The following FHIT variants were observed in gnomAD, a reference collection of about 807,000 sequenced individuals.
The protein encoded by FHIT is bis(5'-adenosyl)-triphosphatase.
A neutral mutation model predicts 17.9 loss-of-function variants in FHIT; 19 were observed. The ratio of observed to expected loss-of-function variants is 1.06; its 90% CI spans 0.74 to 1.56. The LOEUF (loss-of-function observed/expected upper bound fraction) is 1.56, where lower values mean the gene tolerates loss of function less well. FHIT is among the 40% of genes most tolerant of loss of function. The pLI is 0.00. For missense variants in FHIT, 248 were observed against 189.2 expected (o/e 1.31, Z -1.82); for synonymous variants, 81 against 69.7 (o/e 1.16, Z -0.81).
In FHIT at chr3:60,544,677, A is replaced by C. The variant is rs545226458; in HGVS notation, c.-17-7698T>G. The stretch of plus-strand genomic sequence containing the variant: ...AGTGGCACGATCTGGGCTCACTGCA[A>C]ACTCCGCCTCCCCGGTTCAAGCGAT... On this transcript the variant is annotated intron_variant, in intron 4 of 9. Coordinates refer to ENST00000492590, the MANE Select transcript of FHIT (RefSeq NM_002012.4). Among the ~76,000 whole-genome samples the C allele has an allele frequency of 2.0e-3, 297 of 148,740 alleles. 1 individual carries two copies. Among genetic ancestry groups the C allele is most frequent in the Non-Finnish European group, 2.6e-3 (178 of 67,606 alleles).
intron 3 of FHIT, among the ~76,000 whole-genome samples, chr3:60,942,591 C>T (rs1460687461): frequency 3.3e-5 from 5 of 151,756 alleles, no homozygotes; most frequent in Admixed American, 3.3e-4. Context: ...GTTCTTCTCT[C>T]TTTGTAGTTG....
chr3:60,526,329 C>G (rs932111750), intron 5 of FHIT, among the ~76,000 whole-genome samples: 28 of 152,092 alleles, frequency 1.8e-4, no homozygotes. Flanking sequence ...AAAAGGACAG[C>G]CATGTCTCCC....
At chr3:59,971,202 AG>A (rs1462690392) in intron 7 of FHIT, among the ~76,000 whole-genome samples, 1 of 152,160 alleles carries the variant, frequency 6.6e-6, no homozygotes, top group African/African-American at 2.4e-5. Flanking sequence ...TGACACTCTG[AG>A]TCCTATTTGA....
At chr3:59,937,358 T>G (rs765316451) in intron 7 of FHIT, among the ~76,000 whole-genome samples, 3 of 152,164 alleles carry the variant, frequency 2.0e-5, no homozygotes, top group Non-Finnish European at 2.9e-5. Flanking sequence ...AAGATACAGA[T>G]AGTCAGCCTC....
At chr3:60,240,202 A>G (rs1576355494) in intron 5 of FHIT, among the ~76,000 whole-genome samples, 1 of 152,188 alleles carries the variant, frequency 6.6e-6, no homozygotes, top group East Asian at 1.9e-4. Flanking sequence ...GTTCCAGTCA[A>G]CAAAAGCCAT....
At chr3:60,890,324 C>G (rs1228333257) in intron 3 of FHIT, among the ~76,000 whole-genome samples, 6 of 151,002 alleles carry the variant, frequency 4.0e-5, no homozygotes, top group Non-Finnish European at 8.8e-5. Context: ...TGCACAGATA[C>G]GAGTGAATCC....
chr3:60,682,647 G>T (rs2040777157), intron 4 of FHIT, among the ~76,000 whole-genome samples: 1 of 152,258 alleles, frequency 6.6e-6, no homozygotes, highest in South Asian at 2.1e-4. Flanking sequence ...AATGTACCTG[G>T]TCACCCAAGA....
At chr3:59,801,388 T>G (rs1699987150) in intron 8 of FHIT, among the ~76,000 whole-genome samples, 1 of 152,162 alleles carries the variant, frequency 6.6e-6, no homozygotes, top group Non-Finnish European at 1.5e-5. Context: ...AAGAATAACT[T>G]AAAAATAAAA....
At chr3:59,907,039 G>A (rs1305902161) in intron 8 of FHIT, among the ~76,000 whole-genome samples, 1 of 152,216 alleles carries the variant, frequency 6.6e-6, no homozygotes, top group Non-Finnish European at 1.5e-5. Flanking sequence ...TATCAGAGCT[G>A]AAAGCAGGCT....
intron 3 of FHIT, among the ~76,000 whole-genome samples, chr3:61,029,078 A>G (rs76554642): frequency 0.013 from 1,987 of 152,206 alleles, 48 homozygotes; most frequent in African/African-American, 0.045. Context: ...AGAAAAACGA[A>G]ACAAAATCAG....
intron 2 of FHIT, among the ~76,000 whole-genome samples, chr3:61,048,995 G>A (rs898555834): frequency 1.3e-5 from 2 of 151,968 alleles, no homozygotes; most frequent in African/African-American, 2.4e-5. Context: ...GGAGTGGGGA[G>A]GGATACCATT....
chr3:60,104,711 ACTTCT>A (rs1406825081), intron 5 of FHIT, among the ~76,000 whole-genome samples: 2 of 152,132 alleles, frequency 1.3e-5, no homozygotes, highest in Admixed American at 1.3e-4. Flanking sequence ...AGTTTTTTAG[ACTTCT>A]CTTTAAGACA....
intron 4 of FHIT, among the ~76,000 whole-genome samples, chr3:60,809,748 T>C (rs939103108): frequency 1.3e-5 from 2 of 152,156 alleles, no homozygotes; most frequent in African/African-American, 2.4e-5. Context: ...TATAAGCCTT[T>C]AGAAAACATT....
intron 4 of FHIT, among the ~76,000 whole-genome samples, chr3:60,620,337 C>A (rs1397398228): frequency 6.6e-6 from 1 of 152,150 alleles, no homozygotes; most frequent in Non-Finnish European, 1.5e-5. Context: ...TACACAAAAA[C>A]CTGCACACAG....
chr3:60,023,107 G>C (rs949827795), intron 5 of FHIT, among the ~76,000 whole-genome samples: 31 of 152,312 alleles, frequency 2.0e-4, no homozygotes, highest in African/African-American at 6.7e-4. Flanking sequence ...AGACTTGAAG[G>C]AGTATGGCAA....
chr3:60,464,454 C>A (rs9870841), intron 5 of FHIT, among the ~76,000 whole-genome samples: 6,814 of 152,118 alleles, frequency 0.045, 507 homozygotes, highest in African/African-American at 0.15. Flanking sequence ...AATACTAGAT[C>A]TTATACATCA....
At chr3:60,833,880 A>G (rs1412023903) in intron 3 of FHIT, among the ~76,000 whole-genome samples, 1 of 152,212 alleles carries the variant, frequency 6.6e-6, no homozygotes, top group African/African-American at 2.4e-5. Context: ...ATACAAGTGG[A>G]GTCGTACAGT....
intron 5 of FHIT, among the ~76,000 whole-genome samples, chr3:60,091,943 G>T (rs1057168285): frequency 1.3e-5 from 2 of 152,070 alleles, no homozygotes; most frequent in African/African-American, 4.8e-5. Flanking sequence ...TTTCTTTACA[G>T]CAATGTGAGA....
chr3:60,867,431 A>T (rs1704215245), intron 3 of FHIT, among the ~76,000 whole-genome samples: 2 of 152,326 alleles, frequency 1.3e-5, no homozygotes, highest in Admixed American at 1.3e-4. Context: ...GGTACACACA[A>T]GTGTTAACAG....
Sources: allele counts gnomAD v4.1 joint callset (sites outside exome capture counted in the v4.1 genomes callset), GRCh38; gene constraint gnomAD v4.1.1; transcripts MANE v1.5; gene names NCBI Gene and HGNC (gene_info 2026-07-23, HGNC 2026-07-21).